PRKCE: variants seen among roughly 807,000 people sequenced by gnomAD.
PRKCE encodes the protein protein kinase C epsilon type.
Under a neutral mutation model 85.4 loss-of-function variants are expected in PRKCE, and 16 were observed. That is an observed-to-expected ratio of 0.19 (90% CI 0.13 to 0.28). The LOEUF is 0.28. PRKCE is among the 10% of genes least tolerant of loss of function. PRKCE has a pLI of 1.00. For synonymous variants in PRKCE, 388 were observed against 371.5 expected, an observed-to-expected ratio of 1.04 and a Z score of -0.51; for missense variants, 573 against 975.2, an observed-to-expected ratio of 0.59 and a Z score of 5.49.
chr2:45,904,051 G>A (rs1696789262), intron 2 of PRKCE, among the ~76,000 whole-genome samples: 1 of 151,758 alleles, frequency 6.6e-6, no homozygotes, highest in Non-Finnish European at 1.5e-5. Context: ...TTACAGGCAC[G>A]CACTACCACA....
intron 1 of PRKCE, among the ~76,000 whole-genome samples, chr2:45,759,557 G>A (rs548535725): frequency 9.8e-5 from 15 of 152,316 alleles, no homozygotes; most frequent in African/African-American, 3.1e-4. Context: ...GGAGATGCCT[G>A]TTGTTCCTCA....
chr2:45,775,820 C>T (rs1169007262), intron 1 of PRKCE, among the ~76,000 whole-genome samples: 6 of 152,338 alleles, frequency 3.9e-5, no homozygotes, highest in African/African-American at 7.2e-5. Context: ...TACAAGGCCA[C>T]ACATGGTCTG....
At chr2:45,672,011 C>T (rs1346206153) in intron 1 of PRKCE, among the ~76,000 whole-genome samples, 1 of 145,998 alleles carries the variant, frequency 6.8e-6, no homozygotes, top group African/African-American at 2.6e-5. Flanking sequence ...TACAATGAGC[C>T]ATGATTATGC....
At chr2:46,058,993 C>A (rs1472527209) in intron 10 of PRKCE, among the ~76,000 whole-genome samples, 1 of 152,138 alleles carries the variant, frequency 6.6e-6, no homozygotes, top group Non-Finnish European at 1.5e-5. Context: ...CTACTATGCC[C>A]CACTAAAAGT....
chr2:45,944,515 G>T (rs1700098740), intron 2 of PRKCE, among the ~76,000 whole-genome samples: 1 of 152,220 alleles, frequency 6.6e-6, no homozygotes, highest in South Asian at 2.1e-4. Flanking sequence ...TTGAGACAGG[G>T]TCTTGCTCTG....
At chr2:46,090,753 G>C (rs1175275389) in intron 11 of PRKCE, among the ~76,000 whole-genome samples, 1 of 152,090 alleles carries the variant, frequency 6.6e-6, no homozygotes, top group Non-Finnish European at 1.5e-5. Flanking sequence ...GCTGCAAAAG[G>C]CTCTGTGGGG....
At chr2:45,724,681 G>T (rs1356052392) in intron 1 of PRKCE, among the ~76,000 whole-genome samples, 2 of 152,226 alleles carry the variant, frequency 1.3e-5, no homozygotes, top group African/African-American at 4.8e-5. Flanking sequence ...CAGCCTTACT[G>T]CTGATACAGA....
intron 2 of PRKCE, among the ~76,000 whole-genome samples, chr2:45,897,443 C>A (rs192608312): frequency 6.6e-6 from 1 of 152,198 alleles, no homozygotes; most frequent in Non-Finnish European, 1.5e-5. Context: ...TGCTAATAGA[C>A]ATACATCATC....
intron 1 of PRKCE, among the ~76,000 whole-genome samples, chr2:45,778,706 C>G (rs1239294490): frequency 6.6e-6 from 1 of 152,176 alleles, no homozygotes; most frequent in African/African-American, 2.4e-5. Flanking sequence ...TCCTTTGTAT[C>G]ATCAATTTCA....
chr2:45,683,498 G>C (rs183683386), intron 1 of PRKCE, among the ~76,000 whole-genome samples: 1 of 152,252 alleles, frequency 6.6e-6, no homozygotes, highest in African/African-American at 2.4e-5. Flanking sequence ...GTGCCAAGTA[G>C]TTCTAGACCC....
chr2:46,079,899 A>G lies in PRKCE; in HGVS notation c.1438-6309A>G, dbSNP rs576253899. On this transcript the variant is annotated intron_variant, in intron 10 of 14. Transcript: ENST00000306156. ...ATGTGGTTCTTCCAGCCAGTAGGTC[A>G]TTATGAACTATTCTTACCCTAAATG... is the stretch of plus-strand genomic sequence containing the variant. 1.8e-4 allele frequency among the ~76,000 whole-genome samples: 28 copies of G among 152,352 alleles called. No homozygotes were observed. The South Asian group carries it at 5.4e-3, about 29-fold the overall frequency.
At chr2:45,792,696 G>A (rs1558677190) in intron 1 of PRKCE, among the ~76,000 whole-genome samples, 2 of 152,166 alleles carry the variant, frequency 1.3e-5, no homozygotes, top group East Asian at 1.9e-4. Flanking sequence ...GTTAAGGAGA[G>A]TTTCTTTCTT....
rs1047100104 is a variant in PRKCE at position 45,942,486 on chromosome 2, T to G, written c.413-33943T>G. Reference sequence around the variant, plus strand: ...ATAATTAATGTTGTCATATTATGTGTGACATGTCATATATGAGGAACGTGC... The same window carrying G: ...ATAATTAATGTTGTCATATTATGTGGGACATGTCATATATGAGGAACGTGC... On this transcript the variant is annotated intron_variant, in intron 2 of 14. Transcript: ENST00000306156. Among the ~76,000 whole-genome samples the G allele has an allele frequency of 2.6e-5, 4 of 152,246 alleles. 1 individual carries two copies. In the South Asian group the frequency reaches 8.3e-4, roughly 32 times the overall value.
At chr2:46,093,758 G>A (rs1209481567) in intron 11 of PRKCE, among the ~76,000 whole-genome samples, 2 of 152,010 alleles carry the variant, frequency 1.3e-5, no homozygotes, top group Non-Finnish European at 2.9e-5. Flanking sequence ...TGTGGAAAAT[G>A]AGGTTTTAGT....
chr2:45,756,871 G>C (rs930813461), intron 1 of PRKCE, among the ~76,000 whole-genome samples: 3 of 152,192 alleles, frequency 2.0e-5, no homozygotes, highest in Non-Finnish European at 4.4e-5. Context: ...AACTTTGTGG[G>C]CTGAAGGATA....
intron 11 of PRKCE, among the ~76,000 whole-genome samples, chr2:46,097,514 C>T (rs1434475267): frequency 5.4e-5 from 5 of 92,714 alleles, no homozygotes; most frequent in African/African-American, 1.0e-4. Context: ...AGCGAGACTC[C>T]GTCTCAAAAA....
chr2:45,665,885 C>G (rs1675887198), intron 1 of PRKCE, among the ~76,000 whole-genome samples: 1 of 152,142 alleles, frequency 6.6e-6, no homozygotes, highest in Non-Finnish European at 1.5e-5. Context: ...TCTGCTTGTC[C>G]TCTTGTCCCT....
At chr2:45,941,387 G>A (rs1372257038) in intron 2 of PRKCE, among the ~76,000 whole-genome samples, 1 of 152,170 alleles carries the variant, frequency 6.6e-6, no homozygotes, top group Non-Finnish European at 1.5e-5. Context: ...TAGGTGATCT[G>A]AGGGCAGGTG....
At chr2:45,779,347 G>A (rs1686000164) in intron 1 of PRKCE, among the ~76,000 whole-genome samples, 1 of 152,140 alleles carries the variant, frequency 6.6e-6, no homozygotes, top group African/African-American at 2.4e-5. Context: ...TCGAAAGGTG[G>A]CATGGGAAGA....
Sources: gnomAD v4.1 joint callset for allele counts (sites outside exome capture counted in the v4.1 genomes callset) on GRCh38, gnomAD v4.1.1 for gene constraint, MANE v1.5 for transcripts, NCBI Gene and HGNC (gene_info 2026-07-23, HGNC 2026-07-21) for gene names.